CSMD3: variants seen among roughly 807,000 people sequenced by gnomAD.
The protein encoded by CSMD3 is CUB and Sushi multiple domains 3.
Under a neutral mutation model 435.2 loss-of-function variants are expected in CSMD3, and 177 were observed. That is an observed-to-expected ratio of 0.41 (90% CI 0.36 to 0.46). The LOEUF is 0.46. Ranked by LOEUF, CSMD3 falls within the 20% of genes least tolerant of loss-of-function variation. The probability of loss-of-function intolerance (pLI) is 0.34; values close to 1 mark genes in which losing one functional copy is unlikely to be tolerated. For missense variants in CSMD3, 4,265 were observed against 4,504.6 expected, an observed-to-expected ratio of 0.95 and a Z score of 1.52; for synonymous variants, 1,656 against 1,520.5, an observed-to-expected ratio of 1.09 and a Z score of -2.07.
chr8:112,365,346 G>A (rs185735234), intron 38 of CSMD3, among the ~76,000 whole-genome samples: 85 of 150,754 alleles, frequency 5.6e-4, no homozygotes, highest in African/African-American at 1.8e-3. Context: ...AAAATCAGTA[G>A]AAGACATCAA....
intron 10 of CSMD3, among the ~76,000 whole-genome samples, chr8:112,886,473 C>A (rs1322099053): frequency 1.3e-5 from 2 of 151,332 alleles, no homozygotes; most frequent in Non-Finnish European, 3.0e-5. Context: ...TACTTTCAAG[C>A]AATTCCTATC....
rs535578536 is a variant in CSMD3 at position 112,442,930 on chromosome 8, T to C, written c.5395+29661A>G. 3.3e-5 allele frequency among the ~76,000 whole-genome samples: 5 copies of C among 152,340 alleles called. 1 individual carries two copies. The highest frequency in any genetic ancestry group is 9.6e-5 in the African/African-American group (4 of 41,588). ...TAATCCCTGTAGCACCTGTCTACTA[T>C]GGAACTGTTATACAAGAGAAAAATA... On this transcript the variant is annotated intron_variant, in intron 32 of 70. Transcript: ENST00000297405.
At chr8:112,983,729 T>C (rs942750462) in intron 6 of CSMD3, among the ~76,000 whole-genome samples, 1 of 151,844 alleles carries the variant, frequency 6.6e-6, no homozygotes, top group Non-Finnish European at 1.5e-5. Flanking sequence ...CATAAGTTGA[T>C]ATCTGATCCA....
At position 112,645,395 on chromosome 8, in the gene CSMD3, A is replaced by G. The variant is rs558877981; in HGVS notation, c.3194-170T>C. Among the ~76,000 whole-genome samples the G allele has an allele frequency of 3.5e-4, 53 of 152,332 alleles. 1 individual carries two copies. The highest frequency in any genetic ancestry group is 2.8e-3 in the Admixed American group (43 of 15,296). ...AGAGAAGAAAAGTGTACTCAGTAGC[A>G]TCTGAGAATTAGTGCAGTCCCCAAG... On this transcript the variant is annotated intron_variant, in intron 19 of 70. Coordinates refer to ENST00000297405, the MANE Select transcript of CSMD3 (RefSeq NM_198123.2).
chr8:112,552,438 A>G lies in CSMD3; in HGVS notation c.4361+156T>C, dbSNP rs112129913. Among the ~76,000 whole-genome samples, 384 of 152,224 alleles carry G rather than the reference A, an allele frequency of 2.5e-3. 2 individuals carry two copies. The highest frequency in any genetic ancestry group is 9.0e-3 in the African/African-American group (372 of 41,556). On this transcript the variant is annotated intron_variant, in intron 26 of 70. Coordinates refer to ENST00000297405, the MANE Select transcript of CSMD3 (RefSeq NM_198123.2). Reference sequence around the variant, plus strand: ...GAGGAGGAGGTTGCAGTGAGCCGAGATCGAGCCCTGCCTTCCGGTCTGGAT... The same window carrying G: ...GAGGAGGAGGTTGCAGTGAGCCGAGGTCGAGCCCTGCCTTCCGGTCTGGAT...
chr8:113,016,149 A>C (rs2131154159), intron 6 of CSMD3, among the ~76,000 whole-genome samples: 1 of 151,974 alleles, frequency 6.6e-6, no homozygotes, highest in East Asian at 1.9e-4. Context: ...TAAACTAGGA[A>C]GGCAAAAGAT....
At chr8:113,141,543 T>G (rs2091548214) in intron 4 of CSMD3, among the ~76,000 whole-genome samples, 1 of 150,978 alleles carries the variant, frequency 6.6e-6, no homozygotes, top group Non-Finnish European at 1.5e-5. Flanking sequence ...TGTCAATCAT[T>G]ATAATTCACC....
intron 13 of CSMD3, among the ~76,000 whole-genome samples, chr8:112,705,030 T>A (rs577347179): frequency 6.6e-6 from 1 of 152,244 alleles, no homozygotes; most frequent in South Asian, 2.1e-4. Context: ...CTTTAATGTA[T>A]GATCAATTCA....
chr8:113,126,056 A>T (rs981773968), intron 4 of CSMD3, among the ~76,000 whole-genome samples: 1 of 152,062 alleles, frequency 6.6e-6, no homozygotes, highest in Non-Finnish European at 1.5e-5. Context: ...CAGTATAATT[A>T]TCTCCATTTT....
At chr8:113,226,747 C>T (rs970761884) in intron 3 of CSMD3, among the ~76,000 whole-genome samples, 1 of 151,618 alleles carries the variant, frequency 6.6e-6, no homozygotes, top group African/African-American at 2.4e-5. Context: ...AAACTCTTTT[C>T]CTGCCCCTGA....
intron 7 of CSMD3, among the ~76,000 whole-genome samples, chr8:112,965,292 T>C (rs556282769): frequency 5.3e-5 from 8 of 152,070 alleles, no homozygotes; most frequent in African/African-American, 1.7e-4. Flanking sequence ...GCTACACACA[T>C]AATGGTTTCA....
intron 13 of CSMD3, among the ~76,000 whole-genome samples, chr8:112,744,006 G>GGCAATGTTATTATATGCA (rs2077372790): frequency 6.6e-6 from 1 of 151,904 alleles, no homozygotes. Flanking sequence ...TGGTCTGTTA[G>GGCAATGTTATTATATGCA]GCAATGTTAT....
Position 112,289,492 on chromosome 8 carries a change from A to C in CSMD3, c.9021T>G (p.Ser3007=). Residue 3007 remains serine, a synonymous_variant, in exon 57 of 71, where the codon TCT becomes TCG. Coordinates refer to ENST00000297405, the MANE Select transcript of CSMD3 (RefSeq NM_198123.2). ...TAGACCCAAAAGTATACTTCTCGCCAGACAGGACTGCATTAGGAGGAACGC... is the reference window on the plus strand; with the variant it reads ...TAGACCCAAAAGTATACTTCTCGCCCGACAGGACTGCATTAGGAGGAACGC... ...HPGVPPNAVL[S]GEKYTFGSTV... 1 of 1,613,096 alleles carries C rather than the reference A, an allele frequency of 6.2e-7. No individual in the cohort carries two copies. Among genetic ancestry groups the C allele is most frequent in the East Asian group, 2.2e-5 (1 of 44,844 alleles).
chr8:112,335,483 C>A lies in CSMD3; in HGVS notation c.7020-9G>T, dbSNP rs1824469064. On this transcript the variant is annotated splice_polypyrimidine_tract_variant and intron_variant, in intron 44 of 70. Coordinates refer to ENST00000297405, the MANE Select transcript of CSMD3 (RefSeq NM_198123.2). ...TTTGGTCTGGTCCATCCCTATGAGA[C>A]AAGGATTGGGAAAGGAGGAGAGATC... The A allele has an allele frequency of 1.2e-6, 2 of 1,613,084 alleles. No homozygotes were observed. Among genetic ancestry groups the A allele is most frequent in the Non-Finnish European group, 1.7e-6 (2 of 1,179,394 alleles).
intron 32 of CSMD3, among the ~76,000 whole-genome samples, chr8:112,470,580 G>A (rs930555807): frequency 3.3e-5 from 5 of 151,898 alleles, no homozygotes; most frequent in African/African-American, 4.8e-5. Context: ...GCTGGCATTC[G>A]TTAACCCAAT....
At chr8:112,573,259 C>T (rs1829679837) in intron 24 of CSMD3, among the ~76,000 whole-genome samples, 1 of 152,072 alleles carries the variant, frequency 6.6e-6, no homozygotes, top group East Asian at 1.9e-4. Flanking sequence ...TAAATAAACC[C>T]GAAGTCAAAA....
chr8:113,296,673 G>A (rs935727840), intron 2 of CSMD3, among the ~76,000 whole-genome samples: 3 of 152,170 alleles, frequency 2.0e-5, no homozygotes, highest in Admixed American at 1.3e-4. Flanking sequence ...AGGGCAATTA[G>A]TGTCCCATGA....
intron 52 of CSMD3, among the ~76,000 whole-genome samples, chr8:112,303,011 C>T (rs1476098326): frequency 6.6e-6 from 1 of 151,908 alleles, no homozygotes; most frequent in Non-Finnish European, 1.5e-5. Context: ...TAGGCAGTAA[C>T]CCAACCTTAT....
chr8:112,761,515 C>T (rs2077837100), intron 13 of CSMD3, among the ~76,000 whole-genome samples: 1 of 152,010 alleles, frequency 6.6e-6, no homozygotes, highest in African/African-American at 2.4e-5. Flanking sequence ...TGTTACCCCT[C>T]TTCTATTTTC....
Sources: allele counts gnomAD v4.1 joint callset (sites outside exome capture counted in the v4.1 genomes callset), GRCh38; gene constraint gnomAD v4.1.1; transcripts MANE v1.5; gene names NCBI Gene and HGNC (gene_info 2026-07-23, HGNC 2026-07-21).